The following COMTD1 variants were observed in gnomAD, a reference collection of about 807,000 sequenced individuals.
COMTD1 encodes catechol-O-methyltransferase domain containing 1.
Under a neutral mutation model 33.6 loss-of-function variants are expected in COMTD1, and 35 were observed. The observed-to-expected ratio is 1.04, with a 90% CI of 0.80 to 1.38. The LOEUF (loss-of-function observed/expected upper bound fraction) is 1.38, where lower values mean the gene tolerates loss of function less well. COMTD1 is among the 40% of genes most tolerant of loss of function. The pLI is 0.00. For synonymous variants in COMTD1, 160 were observed against 176.8 expected (o/e 0.91, Z 0.75); for missense variants, 370 against 363.4 (o/e 1.02, Z -0.15).
chr10:75,233,902 G>A lies in COMTD1; in HGVS notation c.*171C>T. On this transcript the variant is annotated 3_prime_UTR_variant, in exon 7 of 7. Transcript: ENST00000372538. ...GAATCTCAAGGCCCCTTTCACTGAA[G>A]GCAGGAGCTGTCTGTGCTGGGCCTT... 1 of 1,459,862 alleles carries A rather than the reference G, an allele frequency of 6.8e-7. No homozygotes were observed. The highest frequency in any genetic ancestry group is 9.0e-7 in the Non-Finnish European group (1 of 1,106,958). 90.4% of individuals were successfully genotyped at this position (1,459,862 alleles called of 1,614,324 possible).
intron 1 of COMTD1, 37 bp downstream of exon 1, chr10:75,235,798 C>T: frequency 1.7e-6 from 1 of 573,412 alleles, no homozygotes; most frequent in East Asian, 6.1e-5. Flanking sequence ...CTACTCTGCG[C>T]CCGCCCACCC....
rs771763015 is a variant in COMTD1, at chr10:75,233,962, C to T, written c.*111G>A. ...CCCCATCCAGCGCCACACACGGAGG[C>T]TCAGGAGGTCGTGTGTCCCAGCCCC... On this transcript the variant is annotated 3_prime_UTR_variant, in exon 7 of 7. Transcript: ENST00000372538. 32 of 1,585,658 alleles carry T rather than the reference C, an allele frequency of 2.0e-5. No homozygotes were observed. The Admixed American group carries it at 3.9e-4, about 19-fold the overall frequency.
At chr10:75,234,420 CAGG>C (rs1842157070) in intron 6 of COMTD1, 187 bp downstream of exon 6, 1 of 1,072,638 alleles carries the variant, frequency 9.3e-7, no homozygotes, top group East Asian at 2.6e-5. Flanking sequence ...GGTGCCCGGG[CAGG>C]AGGTGACCAG....
chr10:75,234,984 C>T lies in COMTD1; in HGVS notation c.456G>A (p.Ala152=), dbSNP rs565724883. The T allele has an allele frequency of 3.3e-6, 5 of 1,515,980 alleles. No homozygotes were observed. The allele number at this position is 1,515,980 out of a possible 1,614,324, so 93.9% of individuals were successfully genotyped here. Reference sequence around the variant, plus strand: ...TCAGCCGGAGGTCGATCTTGTGCTCCGCCTCGGCCTGCGGAGGGAGCGGGT... The same window carrying T: ...TCAGCCGGAGGTCGATCTTGTGCTCTGCCTCGGCCTGCGGAGGGAGCGGGT... ...LGRPLWRQAE[A]EHKIDLRLKP... The change falls in exon 5 of 7, where the codon GCG becomes GCA. Residue 152 remains alanine, a synonymous_variant. Coordinates refer to ENST00000372538, the MANE Select transcript of COMTD1 (RefSeq NM_144589.4).
At chr10:75,234,500 G>A in intron 6 of COMTD1, 110 bp downstream of exon 6, 1 of 1,431,598 alleles carries the variant, frequency 7.0e-7, no homozygotes, top group Non-Finnish European at 9.3e-7. Context: ...AGGGGGTGTA[G>A]CCTACGTGAC....
chr10:75,234,207 C>A lies in COMTD1; in HGVS notation c.655G>T (p.Val219Leu). The A allele has an allele frequency of 6.2e-7, 1 of 1,612,242 alleles. No individual in the cohort carries two copies. Among genetic ancestry groups the A allele is most frequent in the South Asian group, 1.1e-5 (1 of 91,072 alleles). ...ACGTCCCCTTTCGGAGGTTGCAGCACCTTCCCGCGCCACAGGACCTGCGGG... is the reference window on the plus strand; with the variant it reads ...ACGTCCCCTTTCGGAGGTTGCAGCAACTTCCCGCGCCACAGGACCTGCGGG... Reference protein sequence around the residue: ...AVLRVLWRGKVLQPPKGDVAA... With the variant: ...AVLRVLWRGKLLQPPKGDVAA... Residue 219 changes from valine to leucine, a missense_variant, in exon 7 of 7, where the codon GTG (valine) becomes TTG (leucine). Val to Leu is a conservative substitution (Grantham distance 32, BLOSUM62 1). Transcript: ENST00000372538.
chr10:75,234,120 T>A lies in COMTD1; in HGVS notation c.742A>T (p.Ser248Cys). The A allele has an allele frequency of 6.2e-7, 1 of 1,613,826 alleles. No individual in the cohort carries two copies. The highest frequency in any genetic ancestry group is 8.5e-7 in the Non-Finnish European group (1 of 1,180,000). Reference sequence around the variant, plus strand: ...AGTCCATCGCCCAGGGGCAGGAGGCTGATGTAGACCCTGACGTCCCGCCGG... The same window carrying A: ...AGTCCATCGCCCAGGGGCAGGAGGCAGATGTAGACCCTGACGTCCCGCCGG... ...RIRRDVRVYI[S>C]LLPLGDGLTL... The change falls in exon 7 of 7, where the codon AGC (serine) becomes TGC (cysteine). Residue 248 changes from serine (S) to cysteine (C), a missense_variant. Transcript: ENST00000372538.
intron 2 of COMTD1, 65 bp from the exon 3 acceptor site, chr10:75,235,437 G>A (rs1408863674): frequency 2.2e-6 from 3 of 1,350,546 alleles, no homozygotes; most frequent in Non-Finnish European, 3.0e-6. Flanking sequence ...GGGGTCCCAA[G>A]CCCCAGGGGC....
chr10:75,235,450 G>C, intron 2 of COMTD1, 78 bp from the exon 3 acceptor site: 1 of 1,345,606 alleles, frequency 7.4e-7, no homozygotes, highest in East Asian at 2.7e-5. Context: ...CCAGGGGCGC[G>C]GTTCTGGGCG....
chr10:75,234,906 G>A (rs1198995406), intron 5 of COMTD1, 32 bp downstream of exon 5: 2 of 1,536,508 alleles, frequency 1.3e-6, no homozygotes, highest in Non-Finnish European at 1.8e-6. Flanking sequence ...TGCAATGAAT[G>A]GCTTCAAAGC....
In COMTD1 at chr10:75,233,699, G is replaced by A. The variant is rs1044057938; in HGVS notation, c.*374C>T. 5.3e-5 allele frequency among the ~76,000 whole-genome samples: 8 copies of A among 152,242 alleles called. No homozygotes were observed. Among genetic ancestry groups the A allele is most frequent in the African/African-American group, 1.9e-4 (8 of 41,468 alleles). On this transcript the variant is annotated 3_prime_UTR_variant, in exon 7 of 7. Coordinates refer to ENST00000372538, the MANE Select transcript of COMTD1 (RefSeq NM_144589.4). ...CAGACGTGGCTCTCTACCAGTCCCA[G>A]CTGCTCAGAACCAGAGCTTCGCCTG...
intron 6 of COMTD1, 37 bp from the exon 7 acceptor site, chr10:75,234,262 G>T (rs1240719007): frequency 3.2e-6 from 5 of 1,585,406 alleles, no homozygotes; most frequent in African/African-American, 1.3e-5. Context: ...CGTGGGAGGC[G>T]GGGCTTCGGA....
chr10:75,234,295 G>A, intron 6 of COMTD1, 70 bp from the exon 7 acceptor site: 1 of 1,498,476 alleles, frequency 6.7e-7, no homozygotes, highest in African/African-American at 1.4e-5. Flanking sequence ...GGCGGAAGGC[G>A]GGGGACTGGG....
In COMTD1 at chr10:75,234,638, C is replaced by T. The variant is rs1348861805; in HGVS notation, c.608G>A (p.Arg203Gln). 4 of 1,565,408 alleles carry T rather than the reference C, an allele frequency of 2.6e-6. No individual in the cohort carries two copies. Among genetic ancestry groups the T allele is most frequent in the Non-Finnish European group, 2.6e-6 (3 of 1,155,502 alleles). The change falls in exon 6 of 7, where the codon CGA becomes CAA. Residue 203 changes from arginine (R) to glutamine (Q), a missense_variant. Transcript: ENST00000372538. The part of the protein sequence containing the change: ...AYYERCLQLL[R>Q]PGGILAVLRV... ...GAGGACGGCGAGGATGCCTCCGGGT[C>T]GCAGCAGCTGCAGGCAGCGCTCGTA...
intron 2 of COMTD1, 119 bp downstream of exon 2, chr10:75,235,497 A>G: frequency 7.3e-7 from 1 of 1,377,950 alleles, no homozygotes; most frequent in Non-Finnish European, 9.5e-7. Flanking sequence ...CGCCCACCGC[A>G]CCCGGCCCAG....
chr10:75,234,512 G>A (rs1590019725), intron 6 of COMTD1, 98 bp downstream of exon 6: 1 of 1,458,830 alleles, frequency 6.9e-7, no homozygotes, highest in East Asian at 2.5e-5. Context: ...CTACGTGACT[G>A]GACTGGGTGG....
Position 75,233,897 on chromosome 10 carries a change from C to T in COMTD1, c.*176G>A, listed in dbSNP as rs1290923665. Reference sequence around the variant, plus strand: ...GGGACGAATCTCAAGGCCCCTTTCACTGAAGGCAGGAGCTGTCTGTGCTGG... The same window carrying T: ...GGGACGAATCTCAAGGCCCCTTTCATTGAAGGCAGGAGCTGTCTGTGCTGG... On this transcript the variant is annotated 3_prime_UTR_variant, in exon 7 of 7. Coordinates refer to ENST00000372538, the MANE Select transcript of COMTD1 (RefSeq NM_144589.4). The T allele has an allele frequency of 2.1e-6, 3 of 1,444,524 alleles. No homozygotes were observed. Among genetic ancestry groups the T allele is most frequent in the Non-Finnish European group, 2.7e-6 (3 of 1,099,596 alleles). 89.5% of individuals were successfully genotyped at this position (1,444,524 alleles called of 1,614,324 possible).
Position 75,234,634 on chromosome 10 carries a change from G to C in COMTD1, c.612C>G (p.Pro204=). ...YYERCLQLLR[P]GGILAVLRVL... The stretch of plus-strand genomic sequence containing the variant: ...CTCTGAGGACGGCGAGGATGCCTCC[G>C]GGTCGCAGCAGCTGCAGGCAGCGCT... The change falls in exon 6 of 7, where the codon CCC becomes CCG. Residue 204 remains proline, a synonymous_variant. Coordinates refer to ENST00000372538, the MANE Select transcript of COMTD1 (RefSeq NM_144589.4). 1 of 1,565,370 alleles carries C rather than the reference G, an allele frequency of 6.4e-7. No individual in the cohort carries two copies. The highest frequency in any genetic ancestry group is 8.7e-7 in the Non-Finnish European group (1 of 1,155,432).
Position 75,234,753 on chromosome 10 carries a change from G to C in COMTD1, c.503-10C>G. On this transcript the variant is annotated splice_polypyrimidine_tract_variant and intron_variant, in intron 5 of 6. Coordinates refer to ENST00000372538, the MANE Select transcript of COMTD1 (RefSeq NM_144589.4). ...GCCGCCAGCAGCTCGTCTTGCGGGGGGAGGGAGGGCAGGTGCGGCTGAGTC... is the reference window on the plus strand; with the variant it reads ...GCCGCCAGCAGCTCGTCTTGCGGGGCGAGGGAGGGCAGGTGCGGCTGAGTC... The C allele has an allele frequency of 6.3e-7, 1 of 1,577,760 alleles. No individual in the cohort carries two copies. Among genetic ancestry groups the C allele is most frequent in the Non-Finnish European group, 8.6e-7 (1 of 1,163,298 alleles).
Sources: gnomAD v4.1 joint callset for allele counts (sites outside exome capture counted in the v4.1 genomes callset) on GRCh38, gnomAD v4.1.1 for gene constraint, MANE v1.5 for transcripts, NCBI Gene and HGNC (gene_info 2026-07-23, HGNC 2026-07-21) for gene names.